SPOCK1: variants seen among roughly 807,000 people sequenced by gnomAD.
The protein encoded by SPOCK1 is testican-1.
In SPOCK1, 23 loss-of-function variants were observed where a neutral mutation model predicts 55.3. That is an observed-to-expected ratio of 0.42 (90% CI 0.30 to 0.59). SPOCK1 has a LOEUF of 0.59. Among genes scored for constraint, SPOCK1 ranks in the 20% least tolerant of loss-of-function variants. The probability of loss-of-function intolerance (pLI) is 0.22; values close to 1 mark genes in which losing one functional copy is unlikely to be tolerated. For missense variants in SPOCK1, 499 were observed against 552.5 expected (o/e 0.90, Z 0.97); for synonymous variants, 226 against 221.0 (o/e 1.02, Z -0.20).
chr5:137,229,710 C>T (rs1024418803), intron 3 of SPOCK1, among the ~76,000 whole-genome samples: 3 of 152,114 alleles, frequency 2.0e-5, no homozygotes, highest in Non-Finnish European at 4.4e-5. Flanking sequence ...AATTTTTCCA[C>T]AGACCAGGAG....
chr5:137,455,505 T>C (rs1753345908), intron 2 of SPOCK1, among the ~76,000 whole-genome samples: 1 of 152,106 alleles, frequency 6.6e-6, no homozygotes, highest in African/African-American at 2.4e-5. Flanking sequence ...TCTTGGAGCC[T>C]AAATAAAGAC....
At chr5:137,056,021 A>G (rs959854533) in intron 6 of SPOCK1, among the ~76,000 whole-genome samples, 5 of 152,218 alleles carry the variant, frequency 3.3e-5, no homozygotes, top group African/African-American at 1.2e-4. Flanking sequence ...AATCTCAAGT[A>G]CATAAATGTG....
intron 2 of SPOCK1, among the ~76,000 whole-genome samples, chr5:137,393,570 C>T (rs190019000): frequency 6.6e-6 from 1 of 152,164 alleles, no homozygotes; most frequent in South Asian, 2.1e-4. Flanking sequence ...CAAATGACAT[C>T]AAGAAAAGTT....
chr5:137,408,307 T>C (rs191173049), intron 2 of SPOCK1, among the ~76,000 whole-genome samples: 1 of 152,214 alleles, frequency 6.6e-6, no homozygotes. Context: ...GGTATGGTCT[T>C]ACCATCAGAT....
At chr5:137,034,916 T>C (rs1751851923) in intron 6 of SPOCK1, among the ~76,000 whole-genome samples, 1 of 152,096 alleles carries the variant, frequency 6.6e-6, no homozygotes, top group Non-Finnish European at 1.5e-5. Context: ...AAAGGGCACA[T>C]GCGGGCGGCC....
chr5:137,016,645 C>T (rs1284189136), intron 6 of SPOCK1, among the ~76,000 whole-genome samples: 1 of 152,196 alleles, frequency 6.6e-6, no homozygotes, highest in Non-Finnish European at 1.5e-5. Flanking sequence ...AGTTCTTGCA[C>T]AATTTTTATC....
At chr5:137,069,848 T>C (rs1752578330) in intron 5 of SPOCK1, among the ~76,000 whole-genome samples, 1 of 152,220 alleles carries the variant, frequency 6.6e-6, no homozygotes, top group Non-Finnish European at 1.5e-5. Context: ...TTTCATAAAG[T>C]CAAAATTATT....
intron 2 of SPOCK1, among the ~76,000 whole-genome samples, chr5:137,306,036 G>A (rs921584191): frequency 6.6e-6 from 1 of 152,172 alleles, no homozygotes; most frequent in African/African-American, 2.4e-5. Flanking sequence ...CTGTGTAGTT[G>A]GTGGTCACTT....
chr5:137,186,301 G>C (rs973711599), intron 3 of SPOCK1, among the ~76,000 whole-genome samples: 6 of 152,200 alleles, frequency 3.9e-5, no homozygotes, highest in Non-Finnish European at 7.3e-5. Flanking sequence ...AAGTTGAGCA[G>C]AACACTTTTA....
intron 2 of SPOCK1, among the ~76,000 whole-genome samples, chr5:137,286,809 TAG>T: frequency 1.3e-5 from 2 of 152,250 alleles, no homozygotes; most frequent in African/African-American, 4.8e-5. Flanking sequence ...AGAAGACAAA[TAG>T]ACCACTGTTT....
At chr5:137,473,613 T>C (rs1169136308) in intron 2 of SPOCK1, among the ~76,000 whole-genome samples, 1 of 152,206 alleles carries the variant, frequency 6.6e-6, no homozygotes, top group Non-Finnish European at 1.5e-5. Flanking sequence ...GAACAAAGCA[T>C]ACCCTAAAGT....
At chr5:137,262,993 G>A (rs1404047667) in intron 3 of SPOCK1, among the ~76,000 whole-genome samples, 1 of 152,178 alleles carries the variant, frequency 6.6e-6, no homozygotes, top group Admixed American at 6.5e-5. Flanking sequence ...TTTCAGATAG[G>A]AAGATTTAGA....
chr5:137,131,364 C>A (rs1228964097), intron 4 of SPOCK1, among the ~76,000 whole-genome samples: 10 of 152,332 alleles, frequency 6.6e-5, no homozygotes, highest in African/African-American at 2.4e-4. Context: ...AATCCCAGCA[C>A]TGTGGGAGGC....
chr5:137,001,890 A>C (rs1751162105), intron 6 of SPOCK1, among the ~76,000 whole-genome samples: 1 of 152,176 alleles, frequency 6.6e-6, no homozygotes, highest in African/African-American at 2.4e-5. Flanking sequence ...AAACATATAC[A>C]AGGTGAATTG....
intron 2 of SPOCK1, among the ~76,000 whole-genome samples, chr5:137,385,781 T>C (rs1751588553): frequency 6.6e-6 from 1 of 152,214 alleles, no homozygotes; most frequent in Non-Finnish European, 1.5e-5. Flanking sequence ...ACTGAACACA[T>C]ACTCTGCCAG....
At chr5:137,079,646 T>G (rs1222955100) in intron 5 of SPOCK1, among the ~76,000 whole-genome samples, 1 of 151,994 alleles carries the variant, frequency 6.6e-6, no homozygotes, top group Non-Finnish European at 1.5e-5. Context: ...CACCATCTGG[T>G]ACTGATGCTG....
chr5:137,054,578 A>G (rs979437668), intron 6 of SPOCK1, among the ~76,000 whole-genome samples: 12 of 152,208 alleles, frequency 7.9e-5, no homozygotes, highest in Middle Eastern at 3.2e-3. Context: ...AGGGCCCCAG[A>G]GGACAAAGGA....
At chr5:137,385,979 A>G (rs1751592312) in intron 2 of SPOCK1, among the ~76,000 whole-genome samples, 1 of 152,262 alleles carries the variant, frequency 6.6e-6, no homozygotes, top group African/African-American at 2.4e-5. Context: ...GCCATACTCC[A>G]GTGCAATTTT....
intron 4 of SPOCK1, among the ~76,000 whole-genome samples, chr5:137,116,595 G>A (rs948062216): frequency 8.6e-5 from 13 of 151,802 alleles, no homozygotes; most frequent in South Asian, 2.1e-4. Flanking sequence ...ACAGTGAGCC[G>A]AGATCATACC....
Sources: allele counts gnomAD v4.1 joint callset (sites outside exome capture counted in the v4.1 genomes callset), GRCh38; gene constraint gnomAD v4.1.1; transcripts MANE v1.5; gene names NCBI Gene and HGNC (gene_info 2026-07-23, HGNC 2026-07-21).